The following KIAA0319L variants were observed in gnomAD, a reference collection of about 807,000 sequenced individuals.
KIAA0319L encodes the protein KIAA0319 like, also known as dyslexia-associated protein KIAA0319-like protein.
KIAA0319L carries 55 observed loss-of-function variants against 120.1 expected under a neutral mutation model. The ratio of observed to expected loss-of-function variants is 0.46; its 90% CI spans 0.37 to 0.57. KIAA0319L has a LOEUF of 0.57. KIAA0319L is among the 20% of genes least tolerant of loss of function. KIAA0319L has a pLI of 0.00. For synonymous variants in KIAA0319L, 398 were observed against 471.9 expected (o/e 0.84, Z 2.03); for missense variants, 1,049 against 1,255.3 (o/e 0.84, Z 2.48).
intron 3 of KIAA0319L, among the ~76,000 whole-genome samples, chr1:35,480,939 C>T (rs982554511): frequency 1.3e-5 from 2 of 152,158 alleles, no homozygotes. Context: ...ATTCATGCCC[C>T]TTTATAATAA....
Sources: gnomAD v4.1 joint callset for allele counts (sites outside exome capture counted in the v4.1 genomes callset) on GRCh38, gnomAD v4.1.1 for gene constraint, MANE v1.5 for transcripts, NCBI Gene and HGNC (gene_info 2026-07-23, HGNC 2026-07-21) for gene names.